IL1RAPL1: variants seen among roughly 807,000 people sequenced by gnomAD.
The protein encoded by IL1RAPL1 is interleukin 1 receptor accessory protein like 1, also known as interleukin-1 receptor accessory protein-like 1.
A neutral mutation model predicts 48.4 loss-of-function variants in IL1RAPL1; 3 were observed. The ratio of observed to expected loss-of-function variants is 0.06; its 90% confidence interval spans 0.03 to 0.16. The LOEUF (loss-of-function observed/expected upper bound fraction) is 0.16, where lower values mean the gene tolerates loss of function less well. Ranked by LOEUF, IL1RAPL1 falls within the 10% of genes least tolerant of loss-of-function variation. The probability of loss-of-function intolerance (pLI) is 1.00; values close to 1 mark genes in which losing one functional copy is unlikely to be tolerated. For synonymous variants in IL1RAPL1, 185 were observed against 187.7 expected, an observed-to-expected ratio of 0.99 and a Z score of 0.12; for missense variants, 349 against 530.6, an observed-to-expected ratio of 0.66 and a Z score of 3.36.
intron 1 of IL1RAPL1, among the ~76,000 whole-genome samples, chrX:28,741,735 A>G (rs1359022623): frequency 8.9e-6 from 1 of 112,021 alleles, no homozygotes; most frequent in Non-Finnish European, 1.9e-5. Flanking sequence ...TTGTCAGCAA[A>G]TAGATTCTTT....
chrX:28,685,965 G>A (rs1466877689), intron 1 of IL1RAPL1, among the ~76,000 whole-genome samples: 1 of 111,654 alleles, frequency 9.0e-6, no homozygotes, highest in Non-Finnish European at 1.9e-5. Flanking sequence ...AGATTCAGTG[G>A]CATCTTGACA....
intron 2 of IL1RAPL1, among the ~76,000 whole-genome samples, chrX:28,975,960 A>G (rs1429617333): frequency 8.9e-6 from 1 of 111,835 alleles, no homozygotes. Flanking sequence ...AAGAGAAATG[A>G]ACACGTATGT....
At chrX:29,118,844 G>T (rs1928726503) in intron 2 of IL1RAPL1, among the ~76,000 whole-genome samples, 1 of 111,445 alleles carries the variant, frequency 9.0e-6, no homozygotes, top group Non-Finnish European at 1.9e-5. Flanking sequence ...TTTGAAACAA[G>T]TTTACCTAGA....
intron 8 of IL1RAPL1, among the ~76,000 whole-genome samples, chrX:29,940,049 G>C (rs1312262850): frequency 1.3e-4 from 14 of 110,129 alleles, no homozygotes; most frequent in Non-Finnish European, 1.9e-5. Flanking sequence ...TTTTAGTAGA[G>C]ACAGGGTTTC....
intron 2 of IL1RAPL1, among the ~76,000 whole-genome samples, chrX:28,963,480 A>C (rs1402254141): frequency 1.8e-5 from 2 of 111,309 alleles, no homozygotes; most frequent in African/African-American, 3.3e-5. Flanking sequence ...AATACATAGA[A>C]ATTAATAAAT....
At chrX:28,779,020 T>C (rs1041039247) in intron 1 of IL1RAPL1, among the ~76,000 whole-genome samples, 2 of 111,750 alleles carry the variant, frequency 1.8e-5, no homozygotes, top group African/African-American at 6.5e-5. Context: ...TGTCAAGTAT[T>C]AGTAATTTTT....
intron 3 of IL1RAPL1, among the ~76,000 whole-genome samples, chrX:29,298,604 G>A (rs762365049): frequency 9.0e-6 from 1 of 111,456 alleles, no homozygotes; most frequent in African/African-American, 3.3e-5. Context: ...CATTGCCCCA[G>A]AACTTAGGGT....
intron 6 of IL1RAPL1, among the ~76,000 whole-genome samples, chrX:29,819,248 G>A (rs1306822061): frequency 9.0e-6 from 1 of 111,609 alleles, no homozygotes; most frequent in Non-Finnish European, 1.9e-5. Flanking sequence ...CAAGTAGGAA[G>A]TAGAGAGTAC....
intron 1 of IL1RAPL1, among the ~76,000 whole-genome samples, chrX:28,657,026 C>CAAAA (rs766745553): frequency 2.6e-4 from 10 of 38,451 alleles, no homozygotes; most frequent in African/African-American, 8.2e-4. Flanking sequence ...GACTCTACCT[C>CAAAA]AAAAAAAAAA....
chrX:29,880,400 A>T (rs1053415792), intron 6 of IL1RAPL1, among the ~76,000 whole-genome samples: 3 of 112,231 alleles, frequency 2.7e-5, no homozygotes, highest in Non-Finnish European at 3.8e-5. Context: ...TGTTTTGCAC[A>T]TAGTGTAACA....
intron 1 of IL1RAPL1, among the ~76,000 whole-genome samples, chrX:28,621,822 A>G (rs771360072): frequency 8.9e-6 from 1 of 111,926 alleles, no homozygotes; most frequent in Admixed American, 9.6e-5. Context: ...TGAACTTACC[A>G]TATTTCAGTG....
At chrX:29,051,606 T>C (rs960987698) in intron 2 of IL1RAPL1, among the ~76,000 whole-genome samples, 1 of 112,271 alleles carries the variant, frequency 8.9e-6, no homozygotes, top group Non-Finnish European at 1.9e-5. Flanking sequence ...AGTGTCTTCA[T>C]TGGGCAGGGT....
intron 5 of IL1RAPL1, among the ~76,000 whole-genome samples, chrX:29,528,334 G>T (rs746656315): frequency 1.5e-4 from 17 of 112,398 alleles, no homozygotes; most frequent in African/African-American, 4.2e-4. Flanking sequence ...CAATAATGAG[G>T]ATCTCTTGAT....
intron 2 of IL1RAPL1, among the ~76,000 whole-genome samples, chrX:28,900,474 A>G (rs1407445046): frequency 8.9e-6 from 1 of 112,126 alleles, no homozygotes; most frequent in East Asian, 2.8e-4. Flanking sequence ...TCATAAAAAC[A>G]GAATAGATGA....
At chrX:29,511,085 A>G (rs1276894134) in intron 5 of IL1RAPL1, among the ~76,000 whole-genome samples, 1 of 111,590 alleles carries the variant, frequency 9.0e-6, no homozygotes, top group Non-Finnish European at 1.9e-5. Flanking sequence ...TTACTTTTCC[A>G]TCAGGTTCAG....
In IL1RAPL1 at chrX:29,141,146, CTTG is replaced by C. The variant is rs1227229914; in HGVS notation, c.83-141790_83-141788del. ...ACATATTGAAAGACTATTTATAAAGCTTGTAGTACCTGAGTGGATTAATGGTGT... is the reference window on the plus strand; with the variant it reads ...ACATATTGAAAGACTATTTATAAAGCTAGTACCTGAGTGGATTAATGGTGT... On this transcript the variant is annotated intron_variant, in intron 2 of 10. Transcript: ENST00000378993. Among the ~76,000 whole-genome samples, 3 of 110,082 alleles carry C rather than the reference CTTG, an allele frequency of 2.7e-5. No individual in the cohort carries two copies. In the Admixed American group the frequency reaches 2.9e-4, roughly 11 times the overall value.
At chrX:28,708,445 C>T (rs1440685407) in intron 1 of IL1RAPL1, among the ~76,000 whole-genome samples, 1 of 110,777 alleles carries the variant, frequency 9.0e-6, no homozygotes, top group Non-Finnish European at 1.9e-5. Context: ...ATAGGATTAC[C>T]ATTTGATCCA....
rs140093493 is a variant in IL1RAPL1, at chrX:28,719,351, T to A, written c.-24-69969T>A. ...GTAAGGATTCATTGGAAAGTAATTATTTGTTATTACTGTTATTATTATTAA... is the reference window on the plus strand; with the variant it reads ...GTAAGGATTCATTGGAAAGTAATTAATTGTTATTACTGTTATTATTATTAA... On this transcript the variant is annotated intron_variant, in intron 1 of 10. Coordinates refer to ENST00000378993, the MANE Select transcript of IL1RAPL1 (RefSeq NM_014271.4). 9.5e-3 allele frequency among the ~76,000 whole-genome samples: 1,063 copies of A among 111,421 alleles called. 11 individuals carry two copies. Among genetic ancestry groups the A allele is most frequent in the African/African-American group, 0.033 (1,011 of 30,749 alleles).
intron 2 of IL1RAPL1, among the ~76,000 whole-genome samples, chrX:29,168,905 G>GTA (rs1399110626): frequency 7.3e-5 from 6 of 82,526 alleles, no homozygotes; most frequent in South Asian, 5.6e-4. Flanking sequence ...ATGTACAATT[G>GTA]TATATATATT....
Sources: allele counts gnomAD v4.1 joint callset (sites outside exome capture counted in the v4.1 genomes callset), GRCh38; gene constraint gnomAD v4.1.1; transcripts MANE v1.5; gene names NCBI Gene and HGNC (gene_info 2026-07-23, HGNC 2026-07-21).